ZNF407: variants seen among roughly 807,000 people sequenced by gnomAD.
The protein encoded by ZNF407 is zinc finger protein 407.
Under a neutral mutation model 131.2 loss-of-function variants are expected in ZNF407, and 17 were observed. That is an observed-to-expected ratio of 0.13 (90% CI 0.09 to 0.19). The LOEUF (loss-of-function observed/expected upper bound fraction) is 0.19, where lower values mean the gene tolerates loss of function less well. ZNF407 is among the 10% of genes least tolerant of loss of function. The probability of loss-of-function intolerance (pLI) is 1.00; values close to 1 mark genes in which losing one functional copy is unlikely to be tolerated. For synonymous variants in ZNF407, 1,156 were observed against 1,062.0 expected (o/e 1.09, Z -1.72); for missense variants, 2,681 against 2,830.6 (o/e 0.95, Z 1.20).
intron 3 of ZNF407, among the ~76,000 whole-genome samples, chr18:74,741,627 A>G (rs1968552280): frequency 6.6e-6 from 1 of 152,222 alleles, no homozygotes; most frequent in African/African-American, 2.4e-5. Context: ...TTATAGATAT[A>G]GAATCTATAT....
chr18:74,987,131 G>A (rs916240317), intron 8 of ZNF407, among the ~76,000 whole-genome samples: 11 of 151,900 alleles, frequency 7.2e-5, no homozygotes, highest in African/African-American at 2.4e-4. Context: ...GATACACATC[G>A]CGTGTGTTAG....
intron 8 of ZNF407, among the ~76,000 whole-genome samples, chr18:74,981,963 C>G (rs1050168336): frequency 5.2e-4 from 79 of 152,258 alleles, no homozygotes; most frequent in African/African-American, 1.8e-3. Flanking sequence ...TCCACTTTTT[C>G]TGTTGGCTTA....
At chr18:74,628,464 T>G (rs1599023161) in intron 1 of ZNF407, among the ~76,000 whole-genome samples, 2 of 152,236 alleles carry the variant, frequency 1.3e-5, no homozygotes, top group East Asian at 3.8e-4. Flanking sequence ...TGTATAGATT[T>G]CTCTATTCTA....
intron 8 of ZNF407, among the ~76,000 whole-genome samples, chr18:75,041,099 C>T (rs972058012): frequency 3.3e-5 from 5 of 152,178 alleles, no homozygotes; most frequent in Non-Finnish European, 7.3e-5. Flanking sequence ...CGCAGTATCC[C>T]GCAAGGTGTC....
At chr18:74,672,844 T>TAA (rs1476370446) in intron 3 of ZNF407, among the ~76,000 whole-genome samples, 1 of 152,248 alleles carries the variant, frequency 6.6e-6, no homozygotes, top group African/African-American at 2.4e-5. Flanking sequence ...AAAATGAAAA[T>TAA]ATACAGACAT....
rs775976954 is a variant in ZNF407, at chr18:74,635,559, C to T, written c.4540C>T (p.Arg1514Trp). Residue 1514 changes from arginine to tryptophan, a missense_variant, in exon 2 of 9, where the codon CGG (arginine) becomes TGG (tryptophan). Around this residue, in one of 6 missense-constraint regions of ZNF407, gnomAD observed 213 missense variants for 332.2 expected, o/e 0.64. Coordinates refer to ENST00000299687, the MANE Select transcript of ZNF407 (RefSeq NM_017757.3). The surrounding 1 kb of genome is among the most constrained non-coding windows in gnomAD (Gnocchi z 4.7). ...HIKGQHEELLREVNKYIVEDT... is the reference protein window; with the variant it reads ...HIKGQHEELLWEVNKYIVEDT... ...TAAAGGACAGCATGAGGAATTGCTG[C>T]GGGAGGTGAATAAGTATATAGTGGA... 5.6e-6 allele frequency: 9 copies of T among 1,613,558 alleles called. No homozygotes were observed. Among genetic ancestry groups the T allele is most frequent in the South Asian group, 5.5e-5 (5 of 91,042 alleles).
chr18:74,633,764 C>G lies in ZNF407; in HGVS notation c.2745C>G (p.His915Gln), dbSNP rs1257715338. Residue 915 changes from histidine to glutamine, a missense_variant, in exon 2 of 9, where the codon CAC becomes CAG. Coordinates refer to ENST00000299687, the MANE Select transcript of ZNF407 (RefSeq NM_017757.3). Reference sequence around the variant, plus strand: ...TAGAAATAGAAGCAAGTGGAAAACACAGTTCAGATATCATTGTTGGCCCTG... The same window carrying G: ...TAGAAATAGAAGCAAGTGGAAAACAGAGTTCAGATATCATTGTTGGCCCTG... ...GRVEIEASGK[H>Q]SSDIIVGPEG... 9 of 1,613,744 alleles carry G rather than the reference C, an allele frequency of 5.6e-6. No individual in the cohort carries two copies. Among genetic ancestry groups the G allele is most frequent in the Non-Finnish European group, 7.6e-6 (9 of 1,179,888 alleles).
rs576188876 is a variant in ZNF407 at position 74,711,125 on chromosome 18, G to A, written c.4802+70003G>A. Among the ~76,000 whole-genome samples, 3 of 152,118 alleles carry A rather than the reference G, an allele frequency of 2.0e-5. No homozygotes were observed. The South Asian group carries it at 6.2e-4, about 32-fold the overall frequency. The stretch of plus-strand genomic sequence containing the variant: ...TGGATGCTATTAATGGGAGTGGGCT[G>A]GGGAGGGGCTATTAAGCTTCAAAAT... On this transcript the variant is annotated intron_variant, in intron 3 of 8. Transcript: ENST00000299687.
At chr18:74,731,913 T>C (rs547054) in intron 3 of ZNF407, among the ~76,000 whole-genome samples, 136,331 of 152,144 alleles carry the variant, frequency 0.9, 61,144 homozygotes, top group Non-Finnish European at 0.9. Flanking sequence ...ACCGTGGTAG[T>C]ATAGATCATG....
chr18:74,944,515 A>T (rs1478808438), intron 8 of ZNF407, among the ~76,000 whole-genome samples: 1 of 152,196 alleles, frequency 6.6e-6, no homozygotes, highest in East Asian at 1.9e-4. Context: ...TTTTTAAATG[A>T]CAGATGTTTA....
chr18:74,825,988 A>G (rs539368686), intron 4 of ZNF407, among the ~76,000 whole-genome samples: 5 of 152,308 alleles, frequency 3.3e-5, no homozygotes, highest in African/African-American at 9.6e-5. Context: ...CTGTTTGGCT[A>G]CAGAATTTTT....
At chr18:74,790,234 G>A (rs1969800845) in intron 4 of ZNF407, among the ~76,000 whole-genome samples, 1 of 152,084 alleles carries the variant, frequency 6.6e-6, no homozygotes, top group African/African-American at 2.4e-5. Context: ...TATATGGTTA[G>A]TACTCTTATA....
chr18:74,733,876 A>G (rs1294955670), intron 3 of ZNF407, among the ~76,000 whole-genome samples: 1 of 152,160 alleles, frequency 6.6e-6, no homozygotes, highest in Non-Finnish European at 1.5e-5. Context: ...CTTGTGAAGC[A>G]TTTCATGTTA....
rs142077135 is a variant in ZNF407, at chr18:74,814,840, T to C, written c.4877+33338T>C. Among the ~76,000 whole-genome samples, 603 of 152,234 alleles carry C rather than the reference T, an allele frequency of 4.0e-3. 10 individuals are homozygous for C. Among genetic ancestry groups the C allele is most frequent in the Admixed American group, 0.035 (537 of 15,296 alleles). ...ATGAGTGGTCTCTATAGTACTTTCT[T>C]GGCTTTTTTCATTTACCCTTAATGA... On this transcript the variant is annotated intron_variant, in intron 4 of 8. Coordinates refer to ENST00000299687, the MANE Select transcript of ZNF407 (RefSeq NM_017757.3).
chr18:74,631,321 T>C lies in ZNF407; in HGVS notation c.302T>C (p.Val101Ala). 5.6e-6 allele frequency: 9 copies of C among 1,614,024 alleles called. No homozygotes were observed. The highest frequency in any genetic ancestry group is 6.8e-6 in the Non-Finnish European group (8 of 1,179,892). The stretch of plus-strand genomic sequence containing the variant: ...AGATTAGAAACTTCTGAGAGCTCAG[T>C]CACAGAAGGGGGTATTGCATTAGAT... The part of the protein sequence containing the change: ...ICRLETSESS[V>A]TEGGIALDET... The change falls in exon 2 of 9, where the codon GTC becomes GCC. Residue 101 changes from valine to alanine, a missense_variant. Transcript: ENST00000299687.
intron 3 of ZNF407, among the ~76,000 whole-genome samples, chr18:74,747,699 A>G (rs548821834): frequency 6.6e-6 from 1 of 152,180 alleles, no homozygotes; most frequent in African/African-American, 2.4e-5. Flanking sequence ...TTTTGGTACC[A>G]TTTTGCTGAC....
At chr18:74,832,110 C>CTT (rs1392767700) in intron 4 of ZNF407, among the ~76,000 whole-genome samples, 1 of 152,190 alleles carries the variant, frequency 6.6e-6, no homozygotes, top group Non-Finnish European at 1.5e-5. Context: ...TCACTCAACT[C>CTT]TGAGTGTGTT....
At chr18:74,827,241 A>G (rs1970421389) in intron 4 of ZNF407, among the ~76,000 whole-genome samples, 1 of 152,206 alleles carries the variant, frequency 6.6e-6, no homozygotes, top group Non-Finnish European at 1.5e-5. Flanking sequence ...GTGGAAAAAT[A>G]CTTGGAGGTG....
At position 75,035,365 on chromosome 18, in the gene ZNF407, C is replaced by G. The variant is rs187993098; in HGVS notation, c.5429-27785C>G. On this transcript the variant is annotated intron_variant, in intron 8 of 8. Transcript: ENST00000299687. ...AGAGTCCAGAAATGACATCAGGGGC[C>G]TTCTCCCATCATTCCATCATTTTAT... 2.0e-5 allele frequency among the ~76,000 whole-genome samples: 3 copies of G among 152,318 alleles called. 1 individual carries two copies. Among genetic ancestry groups the G allele is most frequent in the Admixed American group, 2.0e-4 (3 of 15,302 alleles).
Sources: allele counts gnomAD v4.1 joint callset (sites outside exome capture counted in the v4.1 genomes callset), GRCh38; gene constraint gnomAD v4.1.1; regional missense constraint gnomAD v4.1.1; non-coding constraint Gnocchi (gnomAD v3.1); transcripts MANE v1.5; gene names NCBI Gene and HGNC (gene_info 2026-07-23, HGNC 2026-07-21).